JAKMIP3: variants seen among roughly 807,000 people sequenced by gnomAD.
JAKMIP3 encodes the protein janus kinase and microtubule-interacting protein 3.
JAKMIP3 carries 58 observed loss-of-function variants against 118.5 expected under a neutral mutation model. That is an observed-to-expected ratio of 0.49 (90% CI 0.40 to 0.61). The LOEUF is 0.61. JAKMIP3 is among the 20% of genes least tolerant of loss of function. The pLI, the probability that JAKMIP3 is intolerant of heterozygous loss-of-function variation, is 0.00. For missense variants in JAKMIP3, 950 were observed against 1,109.0 expected (o/e 0.86, Z 2.04); for synonymous variants, 486 against 451.2 (o/e 1.08, Z -0.98).
intron 3 of JAKMIP3, among the ~76,000 whole-genome samples, chr10:132,120,261 G>C (rs2048335880): frequency 6.6e-6 from 1 of 152,184 alleles, no homozygotes; most frequent in Non-Finnish European, 1.5e-5. Context: ...GCCCGTGAGA[G>C]CCCCTGCCCC....
chr10:132,071,795 C>T (rs561775361), intron 1 of JAKMIP3, among the ~76,000 whole-genome samples: 1 of 141,482 alleles, frequency 7.1e-6, no homozygotes, highest in East Asian at 2.1e-4. Context: ...TTCCTTCCTT[C>T]CTTCCTTCTT....
chr10:132,088,109 G>C lies in JAKMIP3; in HGVS notation c.-137-16563G>C, dbSNP rs532381496. Among the ~76,000 whole-genome samples the C allele has an allele frequency of 1.2e-3, 180 of 152,072 alleles. 1 individual carries two copies. The highest frequency in any genetic ancestry group is 2.3e-3 in the South Asian group (11 of 4,806). On this transcript the variant is annotated intron_variant, in intron 1 of 23. Coordinates refer to ENST00000684848, the MANE Select transcript of JAKMIP3 (RefSeq NM_001323087.2). Reference sequence around the variant, plus strand: ...CATTTTCTTAATCCAGTCTATCATTGATGGACATTTGGGTTGGTTCCAAGT... The same window carrying C: ...CATTTTCTTAATCCAGTCTATCATTCATGGACATTTGGGTTGGTTCCAAGT...
At position 132,136,017 on chromosome 10, in the gene JAKMIP3, C is replaced by A; in HGVS notation, c.1057C>A (p.His353Asn). Residue 353 changes from histidine to asparagine, a missense_variant, in exon 6 of 24, where the codon CAT becomes AAT. Coordinates refer to ENST00000684848, the MANE Select transcript of JAKMIP3 (RefSeq NM_001323087.2). ...RLSRKNEDLS[H>N]ALRRMENKLK... ...CAGTCGGAAGAACGAGGATTTGTCTCATGCTTTACGCCGAATGGAAAACAA... is the reference window on the plus strand; with the variant it reads ...CAGTCGGAAGAACGAGGATTTGTCTAATGCTTTACGCCGAATGGAAAACAA... 1 of 1,613,720 alleles carries A rather than the reference C, an allele frequency of 6.2e-7. No individual in the cohort carries two copies.
intron 2 of JAKMIP3, among the ~76,000 whole-genome samples, chr10:132,116,320 GAT>G (rs1231906073): frequency 1.3e-5 from 2 of 151,786 alleles, no homozygotes; most frequent in Admixed American, 6.6e-5. Flanking sequence ...TGCACATTCA[GAT>G]GTGTGAGTGT....
At chr10:132,065,581 GCTC>G (rs2038660818), upstream of JAKMIP3, among the ~76,000 whole-genome samples, 1 of 152,072 alleles carries the variant, frequency 6.6e-6, no homozygotes, top group Non-Finnish European at 1.5e-5. The surrounding 1 kb of genome is among the most constrained non-coding windows in gnomAD (Gnocchi z 5.6). Context: ...GGCCTCTGCC[GCTC>G]GCTGGTTTTC....
chr10:132,104,948 G>A lies in JAKMIP3; in HGVS notation c.135+5G>A. The A allele has an allele frequency of 1.9e-6, 3 of 1,585,898 alleles. No homozygotes were observed. Among genetic ancestry groups the A allele is most frequent in the Non-Finnish European group, 2.6e-6 (3 of 1,166,396 alleles). On this transcript the variant is annotated splice_donor_5th_base_variant and intron_variant, in intron 2 of 23. Transcript: ENST00000684848. The stretch of plus-strand genomic sequence containing the variant: ...CTGCAGCAGGAGAAGAGCAAGGTGG[G>A]CGCTCCCCAGACCTCCACCCTTGAA...
At chr10:132,051,828 A>G (rs1463828042) in intron 1 of JAKMIP3, among the ~76,000 whole-genome samples, 2 of 152,198 alleles carry the variant, frequency 1.3e-5, no homozygotes, top group African/African-American at 4.8e-5. Flanking sequence ...GTTGCTCTCA[A>G]ACTCTTGAGT....
chr10:132,158,960 G>GTGGGAGGGGCATCTTCCTT lies in JAKMIP3; in HGVS notation c.2221-4247_2221-4246insGGAGGGGCATCTTCCTTTG, dbSNP rs2057422557. ...ATGCTGGGGGGGGGGACCTCTCGCTGTGTGATGCTGGGGGGGATCTCTCGC... is the reference window on the plus strand; with the variant it reads ...ATGCTGGGGGGGGGGACCTCTCGCTGTGGGAGGGGCATCTTCCTTTGTGATGCTGGGGGGGATCTCTCGC... On this transcript the variant is annotated intron_variant, in intron 19 of 23. Coordinates refer to ENST00000684848, the MANE Select transcript of JAKMIP3 (RefSeq NM_001323087.2). 2.6e-4 allele frequency among the ~76,000 whole-genome samples: 26 copies of GTGGGAGGGGCATCTTCCTT among 99,412 alleles called. 10 individuals are homozygous for GTGGGAGGGGCATCTTCCTT. The highest frequency in any genetic ancestry group is 1.1e-3 in the African/African-American group (24 of 22,238). The allele number at this position is 99,412 out of a possible 152,430, so 65.2% of individuals were successfully genotyped here.
intron 1 of JAKMIP3, among the ~76,000 whole-genome samples, chr10:132,071,278 G>A (rs962722965): frequency 7.9e-5 from 12 of 151,626 alleles, no homozygotes; most frequent in Non-Finnish European, 1.3e-4. Context: ...AACGTACTTT[G>A]GATAATTTCA....
intron 1 of JAKMIP3, among the ~76,000 whole-genome samples, chr10:132,072,813 T>C (rs2040174442): frequency 6.6e-6 from 1 of 152,112 alleles, no homozygotes; most frequent in South Asian, 2.1e-4. Flanking sequence ...TACATATGTA[T>C]ATTGTACAGT....
At chr10:132,100,598 AGC>A in intron 1 of JAKMIP3, among the ~76,000 whole-genome samples, 1 of 148,368 alleles carries the variant, frequency 6.7e-6, no homozygotes, top group East Asian at 1.9e-4. Flanking sequence ...CCAGGGCCGG[AGC>A]GCAGGCCACG....
chr10:132,052,283 A>G (rs2038124964), intron 1 of JAKMIP3, among the ~76,000 whole-genome samples: 1 of 152,210 alleles, frequency 6.6e-6, no homozygotes. Flanking sequence ...TGTCCCTATA[A>G]GAAGTCAGCT....
rs565186293 is a variant in JAKMIP3, at chr10:132,142,123, AC to A, written c.1602+81del. The A allele has an allele frequency of 1.1e-4, 158 of 1,451,832 alleles. No individual in the cohort carries two copies. The African/African-American group carries it at 1.8e-3, about 16-fold the overall frequency. The allele number at this position is 1,451,832 out of a possible 1,614,324, so 89.9% of individuals were successfully genotyped here. A position where few individuals can be genotyped will look rare whatever the true frequency, so the allele number is the denominator to read the frequency against. ...TTGACCCCGTGGCCTGGGCTGGGAC[AC>A]CCCCCTCACTAGCCCTCCTGGGCCC... On this transcript the variant is annotated intron_variant, in intron 11 of 23. Transcript: ENST00000684848.
chr10:132,142,061 T>TC lies in JAKMIP3; in HGVS notation c.1602+15dup. ...GCGAGAAGTTAAGGTCTACGTGACTTCCACCGCGCGTTCCGGCCCCCCTCG... is the reference window on the plus strand; with the variant it reads ...GCGAGAAGTTAAGGTCTACGTGACTTCCCACCGCGCGTTCCGGCCCCCCTCG... On this transcript the variant is annotated intron_variant, in intron 11 of 23. Coordinates refer to ENST00000684848, the MANE Select transcript of JAKMIP3 (RefSeq NM_001323087.2). 1 of 1,475,746 alleles carries TC rather than the reference T, an allele frequency of 6.8e-7. No homozygotes were observed. The highest frequency in any genetic ancestry group is 9.0e-7 in the Non-Finnish European group (1 of 1,110,632). 91.4% of individuals were successfully genotyped at this position (1,475,746 alleles called of 1,614,324 possible). A position where few individuals can be genotyped will look rare whatever the true frequency, so the allele number is the denominator to read the frequency against.
At chr10:132,146,915 C>A (rs1457732267) in intron 13 of JAKMIP3, among the ~76,000 whole-genome samples, 2 of 152,240 alleles carry the variant, frequency 1.3e-5, no homozygotes, top group Non-Finnish European at 2.9e-5. Context: ...CACTTAAGGG[C>A]ACCCACTTGA....
intron 13 of JAKMIP3, 52 bp downstream of exon 13, chr10:132,145,632 G>A (rs2054454777): frequency 1.4e-6 from 2 of 1,446,338 alleles, no homozygotes; most frequent in Non-Finnish European, 1.9e-6. Context: ...ATGCTCCTGG[G>A]GGTTGCAGTG....
Position 132,166,187 on chromosome 10 carries a change from A to G in JAKMIP3, c.2491-796A>G, listed in dbSNP as rs78941974. 6.2e-3 allele frequency among the ~76,000 whole-genome samples: 943 copies of G among 152,158 alleles called. 3 individuals are homozygous for G. Among genetic ancestry groups the G allele is most frequent in the Non-Finnish European group, 0.01 (704 of 67,980 alleles). On this transcript the variant is annotated intron_variant, in intron 21 of 23. Coordinates refer to ENST00000684848, the MANE Select transcript of JAKMIP3 (RefSeq NM_001323087.2). ...AAAAAATTTTAAAACATAGCTGGAC[A>G]TGGTGGCACGTGCCTATAATCTCCG...
At chr10:132,087,710 A>ATT (rs1054415860) in intron 1 of JAKMIP3, among the ~76,000 whole-genome samples, 12 of 142,956 alleles carry the variant, frequency 8.4e-5, no homozygotes, top group African/African-American at 3.1e-4. Flanking sequence ...TGAAGTCTTG[A>ATT]TTTTTTTTTT....
In JAKMIP3 at chr10:132,104,704, G is replaced by A. The variant is rs1330193514; in HGVS notation, c.-105G>A. 5.1e-5 allele frequency: 60 copies of A among 1,170,624 alleles called. No homozygotes were observed. In the East Asian group the frequency reaches 5.4e-4, roughly 11 times the overall value. The allele number at this position is 1,170,624 out of a possible 1,614,324, so 72.5% of individuals were successfully genotyped here. ...AGAAGATGTAGTGTGACAGCAGCCC[G>A]GGTGACACCTGCTGGGAGCTTGGCG... On this transcript the variant is annotated 5_prime_UTR_variant, in exon 2 of 24. Coordinates refer to ENST00000684848, the MANE Select transcript of JAKMIP3 (RefSeq NM_001323087.2).
Sources: gnomAD v4.1 joint callset for allele counts (sites outside exome capture counted in the v4.1 genomes callset) on GRCh38, gnomAD v4.1.1 for gene constraint, Gnocchi (gnomAD v3.1) non-coding constraint, MANE v1.5 for transcripts, NCBI Gene and HGNC (gene_info 2026-07-23, HGNC 2026-07-21) for gene names.